FIGN: variants seen among roughly 807,000 people sequenced by gnomAD.
FIGN encodes the protein fidgetin, microtubule severing factor, also known as fidgetin.
FIGN carries 11 observed loss-of-function variants against 51.3 expected under a neutral mutation model. The observed-to-expected ratio is 0.21, with a 90% CI of 0.13 to 0.35. The LOEUF (loss-of-function observed/expected upper bound fraction) is 0.35, where lower values mean the gene tolerates loss of function less well. FIGN is among the 10% of genes least tolerant of loss of function. The probability of loss-of-function intolerance (pLI) is 1.00; values close to 1 mark genes in which losing one functional copy is unlikely to be tolerated. For missense variants in FIGN, 857 were observed against 943.6 expected (o/e 0.91, Z 1.20); for synonymous variants, 407 against 363.2 (o/e 1.12, Z -1.37).
intron 2 of FIGN, among the ~76,000 whole-genome samples, chr2:163,661,252 T>C (rs1683678244): frequency 6.6e-6 from 1 of 151,430 alleles, no homozygotes; most frequent in Non-Finnish European, 1.5e-5. Flanking sequence ...ATTATTATTA[T>C]TTTTTGAGAC....
chr2:163,661,453 A>G (rs1231440789), intron 2 of FIGN, among the ~76,000 whole-genome samples: 1 of 151,168 alleles, frequency 6.6e-6, no homozygotes, highest in Non-Finnish European at 1.5e-5. Flanking sequence ...CTGGAGTACA[A>G]TGGTGTGATC....
At chr2:163,646,848 G>T (rs1683390458) in intron 2 of FIGN, among the ~76,000 whole-genome samples, 3 of 152,232 alleles carry the variant, frequency 2.0e-5, no homozygotes. Flanking sequence ...GTGATGTTTA[G>T]CAGATAGGCT....
Position 163,605,937 on chromosome 2 carries a change from A to T in FIGN, c.*3615T>A, listed in dbSNP as rs910699220. 4 of 151,604 alleles carry T rather than the reference A, an allele frequency of 2.6e-5. No individual in the cohort carries two copies. In the South Asian group the frequency reaches 6.3e-4, roughly 24 times the overall value. 9.4% of individuals were successfully genotyped at this position (151,604 alleles called of 1,614,324 possible). On this transcript the variant is annotated 3_prime_UTR_variant, in exon 3 of 3. Coordinates refer to ENST00000333129, the MANE Select transcript of FIGN (RefSeq NM_018086.4). Reference sequence around the variant, plus strand: ...GGATGTGTTCTTTTGAAAACTGCATAGCCAAGTACTATGCAACCCATGTAA... The same window carrying T: ...GGATGTGTTCTTTTGAAAACTGCATTGCCAAGTACTATGCAACCCATGTAA...
intron 2 of FIGN, among the ~76,000 whole-genome samples, chr2:163,727,692 G>A (rs1316035849): frequency 6.6e-6 from 1 of 152,110 alleles, no homozygotes; most frequent in Non-Finnish European, 1.5e-5. Flanking sequence ...CAAGCTCTTT[G>A]ATATTTCCCT....
intron 2 of FIGN, among the ~76,000 whole-genome samples, chr2:163,630,864 G>A (rs1313713504): frequency 1.3e-5 from 2 of 152,044 alleles, no homozygotes; most frequent in East Asian, 3.9e-4. Flanking sequence ...ATTAAAGATT[G>A]GAAAATGTAT....
Position 163,698,193 on chromosome 2 carries a change from G to T in FIGN, c.25+36710C>A, listed in dbSNP as rs374557764. 6.6e-5 allele frequency among the ~76,000 whole-genome samples: 10 copies of T among 152,214 alleles called. No homozygotes were observed. In the East Asian group the frequency reaches 1.7e-3, roughly 27 times the overall value. On this transcript the variant is annotated intron_variant, in intron 2 of 2. Coordinates refer to ENST00000333129, the MANE Select transcript of FIGN (RefSeq NM_018086.4). ...CTGTTCATTCCTCCAACATATACGG[G>T]TTTTGGTTAGAATTAATGTTATTCT...
At chr2:163,628,449 T>TG (rs1278873969) in intron 2 of FIGN, among the ~76,000 whole-genome samples, 1 of 152,148 alleles carries the variant, frequency 6.6e-6, no homozygotes, top group Non-Finnish European at 1.5e-5. Context: ...TGTCTATGCA[T>TG]GGGGGGACCA....
intron 2 of FIGN, among the ~76,000 whole-genome samples, chr2:163,714,888 T>C (rs954115824): frequency 2.0e-5 from 3 of 152,130 alleles, no homozygotes; most frequent in African/African-American, 7.2e-5. Flanking sequence ...AAATTAAACA[T>C]TTATGCATAC....
chr2:163,707,968 G>C (rs1436709234), intron 2 of FIGN, among the ~76,000 whole-genome samples: 1 of 152,022 alleles, frequency 6.6e-6, no homozygotes, highest in Admixed American at 6.6e-5. Context: ...GCCACATTGT[G>C]ATATCAAATC....
At chr2:163,644,858 C>T (rs1683358672) in intron 2 of FIGN, among the ~76,000 whole-genome samples, 1 of 152,014 alleles carries the variant, frequency 6.6e-6, no homozygotes, top group South Asian at 2.1e-4. Flanking sequence ...AGATGAAATG[C>T]CCAGAAAAAG....
chr2:163,614,666 A>G (rs1235704129), intron 2 of FIGN, among the ~76,000 whole-genome samples: 1 of 152,192 alleles, frequency 6.6e-6, no homozygotes, highest in African/African-American at 2.4e-5. Context: ...AATGGAATTT[A>G]GCACAACACA....
chr2:163,611,691 C>A lies in FIGN; in HGVS notation c.141G>T (p.Gln47His). The A allele has an allele frequency of 1.2e-6, 2 of 1,614,178 alleles. No individual in the cohort carries two copies. Among genetic ancestry groups the A allele is most frequent in the Non-Finnish European group, 1.7e-6 (2 of 1,180,024 alleles). The change falls in exon 3 of 3, where the codon CAG becomes CAT. Residue 47 changes from glutamine (Q) to histidine (H), a missense_variant. Gln to His is a conservative substitution (Grantham distance 24). Around this residue, in one of 3 missense-constraint regions of FIGN, gnomAD observed 56 missense variants for 75.3 expected, o/e 0.74. Transcript: ENST00000333129. ...HKVEAYRGHL[Q>H]RTYQYAWAND... ...TCGCCCAGGCGTACTGATAGGTGCG[C>A]TGCAGATGACCTCTGTAGGCTTCAA...
chr2:163,622,152 A>C (rs1278412253), intron 2 of FIGN, among the ~76,000 whole-genome samples: 1 of 152,086 alleles, frequency 6.6e-6, no homozygotes, highest in Non-Finnish European at 1.5e-5. Context: ...CTTTGTCTCT[A>C]ATATAGCAAC....
In FIGN at chr2:163,611,206, G is replaced by T; in HGVS notation, c.626C>A (p.Pro209His). The change falls in exon 3 of 3, where the codon CCT becomes CAT. Residue 209 changes from proline (P) to histidine (H), a missense_variant. Physicochemically the swap from Pro to His is moderately conservative, Grantham distance 77 (BLOSUM62 -2). Around this residue, in one of 3 missense-constraint regions of FIGN, gnomAD observed 799 missense variants for 849.5 expected, o/e 0.94. Coordinates refer to ENST00000333129, the MANE Select transcript of FIGN (RefSeq NM_018086.4). ...AGAGCTATGCAAAGGAGACGGATGA[G>T]GTGAAGGAAGTGCAGGTGCTGGCTG... ...SSQPAPALPS[P>H]HPSPLHSSGL... The T allele has an allele frequency of 6.2e-7, 1 of 1,614,132 alleles. No individual in the cohort carries two copies. The highest frequency in any genetic ancestry group is 8.5e-7 in the Non-Finnish European group (1 of 1,180,018).
intron 2 of FIGN, among the ~76,000 whole-genome samples, chr2:163,698,947 T>C (rs1684365898): frequency 6.6e-6 from 1 of 152,190 alleles, no homozygotes; most frequent in African/African-American, 2.4e-5. Context: ...AAAAGAAATT[T>C]GGTTGGTTTT....
chr2:163,720,792 A>G (rs1256720867), intron 2 of FIGN, among the ~76,000 whole-genome samples: 1 of 152,108 alleles, frequency 6.6e-6, no homozygotes, highest in Non-Finnish European at 1.5e-5. Flanking sequence ...ACACACACAC[A>G]CACACGTGTG....
intron 2 of FIGN, among the ~76,000 whole-genome samples, chr2:163,733,103 AT>A (rs1162257484): frequency 6.6e-6 from 1 of 152,148 alleles, no homozygotes; most frequent in Non-Finnish European, 1.5e-5. Flanking sequence ...ATATATATGT[AT>A]GTAAACTTTC....
intron 2 of FIGN, among the ~76,000 whole-genome samples, chr2:163,712,769 C>T (rs1684607363): frequency 6.6e-6 from 1 of 152,066 alleles, no homozygotes; most frequent in Non-Finnish European, 1.5e-5. Context: ...ACATCAATCA[C>T]ATTATAGCAA....
Position 163,610,359 on chromosome 2 carries a change from G to A in FIGN, c.1473C>T (p.Leu491=), listed in dbSNP as rs565838605. 4 of 1,613,978 alleles carry A rather than the reference G, an allele frequency of 2.5e-6. No homozygotes were observed. The highest frequency in any genetic ancestry group is 2.7e-5 in the African/African-American group (2 of 74,882). Residue 491 remains leucine, a synonymous_variant, in exon 3 of 3, where the codon CTC becomes CTT. Transcript: ENST00000333129. The stretch of plus-strand genomic sequence containing the variant: ...CTTTAATGACAGCCTTCACCAGGTC[G>A]AGACCAGCAATGTCATTCCAGTCCA... ...PPVDWNDIAG[L]DLVKAVIKEE... is the part of the protein sequence containing the mutation.
Sources: allele counts gnomAD v4.1 joint callset (sites outside exome capture counted in the v4.1 genomes callset), GRCh38; gene constraint gnomAD v4.1.1; regional missense constraint gnomAD v4.1.1; transcripts MANE v1.5; gene names NCBI Gene and HGNC (gene_info 2026-07-23, HGNC 2026-07-21).